Variants in CTNNBIP1 observed in about 807,000 individuals in gnomAD.
CTNNBIP1 encodes beta-catenin-interacting protein 1.
In CTNNBIP1, 7 loss-of-function variants were observed where a neutral mutation model predicts 11.8. The observed-to-expected ratio is 0.60, with a 90% CI of 0.34 to 1.12. CTNNBIP1 has a LOEUF of 1.12. CTNNBIP1 is among the 50% of genes most tolerant of loss of function. The pLI is 0.03. For synonymous variants in CTNNBIP1, 58 were observed against 43.9 expected (o/e 1.32, Z -1.26); for missense variants, 101 against 113.4 (o/e 0.89, Z 0.50).
intron 1 of CTNNBIP1, among the ~76,000 whole-genome samples, chr1:9,908,165 TCTC>T (rs1196816320): frequency 1.3e-5 from 2 of 151,872 alleles, no homozygotes; most frequent in Non-Finnish European, 2.9e-5. Flanking sequence ...TTCAGGAAAT[TCTC>T]CTGCCTCAGC....
chr1:9,861,730 C>G (rs1447900706), intron 5 of CTNNBIP1, among the ~76,000 whole-genome samples: 1 of 152,182 alleles, frequency 6.6e-6, no homozygotes, highest in African/African-American at 2.4e-5. Context: ...GCTCAGGAGG[C>G]AGCTAAAGGC....
chr1:9,883,947 C>T lies in CTNNBIP1; in HGVS notation c.-143-209G>A, dbSNP rs549542011. 1.3e-5 allele frequency among the ~76,000 whole-genome samples: 2 copies of T among 151,838 alleles called. No homozygotes were observed. Among genetic ancestry groups the T allele is most frequent in the Non-Finnish European group, 2.9e-5 (2 of 67,996 alleles). On this transcript the variant is annotated intron_variant, in intron 1 of 5. Transcript: ENST00000377263. The surrounding 1 kb of genome is among the most constrained non-coding windows in gnomAD (Gnocchi z 5.6). The stretch of plus-strand genomic sequence containing the variant: ...GTCAAGGAGGAAGAAGGTGGGGGAA[C>T]GGGAGTCTGAAGATGCTGTGGGCAG...
At chr1:9,859,750 C>G (rs1227043779) in intron 5 of CTNNBIP1, among the ~76,000 whole-genome samples, 1 of 152,242 alleles carries the variant, frequency 6.6e-6, no homozygotes, top group African/African-American at 2.4e-5. Context: ...ATCCACAGAG[C>G]AAGGGCATTT....
intron 1 of CTNNBIP1, 133 bp downstream of exon 1, chr1:9,909,960 CAG>C (rs1639702262): frequency 2.6e-5 from 4 of 151,790 alleles, no homozygotes; most frequent in Admixed American, 2.6e-4. Context: ...CTGGGGCAGT[CAG>C]GGGTCCGAGC....
chr1:9,882,060 C>CT (rs1639093670), intron 2 of CTNNBIP1, among the ~76,000 whole-genome samples: 2 of 152,066 alleles, frequency 1.3e-5, no homozygotes, highest in Non-Finnish European at 2.9e-5. Context: ...GAAAGAAGAC[C>CT]CAGGGCCTTA....
chr1:9,874,349 G>A (rs1638922170), intron 3 of CTNNBIP1, among the ~76,000 whole-genome samples: 1 of 152,122 alleles, frequency 6.6e-6, no homozygotes, highest in Admixed American at 6.5e-5. Context: ...TGAACTCCTG[G>A]GCTTAAGCGA....
At chr1:9,875,423 T>A (rs971229650) in intron 3 of CTNNBIP1, among the ~76,000 whole-genome samples, 1 of 152,206 alleles carries the variant, frequency 6.6e-6, no homozygotes, top group African/African-American at 2.4e-5. Flanking sequence ...CTTTACAGAA[T>A]GTTGCCCTGT....
Position 9,851,073 on chromosome 1 carries a change from T to A in CTNNBIP1, c.188-297A>T, listed in dbSNP as rs1638374172. ...AGCCATGACGAGGCCCCAGGTGACC[T>A]GGAGCAGGGCTCAGCGCTGCTCACA... On this transcript the variant is annotated intron_variant, in intron 5 of 5. Coordinates refer to ENST00000377263, the MANE Select transcript of CTNNBIP1 (RefSeq NM_020248.3). This position sits in a 1 kb window ranked among gnomAD's most constrained non-coding sequence, Gnocchi z 4.8. Among the ~76,000 whole-genome samples the A allele has an allele frequency of 6.6e-6, 1 of 152,216 alleles. No homozygotes were observed. Among genetic ancestry groups the A allele is most frequent in the Non-Finnish European group, 1.5e-5 (1 of 68,028 alleles).
chr1:9,894,421 T>C (rs1358634079), intron 1 of CTNNBIP1, among the ~76,000 whole-genome samples: 1 of 152,154 alleles, frequency 6.6e-6, no homozygotes, highest in Non-Finnish European at 1.5e-5. Context: ...AGTGGTGCGA[T>C]CACAGCTCAC....
intron 1 of CTNNBIP1, among the ~76,000 whole-genome samples, chr1:9,887,878 G>A (rs1452009072): frequency 6.6e-6 from 1 of 151,668 alleles, no homozygotes; most frequent in Non-Finnish European, 1.5e-5. Context: ...AGGCTGGAGT[G>A]CAGTGGTGCG....
intron 1 of CTNNBIP1, among the ~76,000 whole-genome samples, chr1:9,909,342 A>G (rs1639684060): frequency 6.6e-6 from 1 of 152,118 alleles, no homozygotes; most frequent in Admixed American, 6.6e-5. Flanking sequence ...AAAACTCTTG[A>G]TTTGCGGCCA....
chr1:9,889,836 T>A (rs1639264843), intron 1 of CTNNBIP1, among the ~76,000 whole-genome samples: 1 of 152,240 alleles, frequency 6.6e-6, no homozygotes, highest in East Asian at 1.9e-4. Context: ...GGGAGTGATA[T>A]ATTTTTTTCC....
intron 1 of CTNNBIP1, among the ~76,000 whole-genome samples, chr1:9,901,367 T>C (rs912347844): frequency 1.1e-4 from 17 of 152,060 alleles, no homozygotes; most frequent in Non-Finnish European, 2.1e-4. Flanking sequence ...AAGGTTTGCT[T>C]GGTGATTGAT....
At chr1:9,879,768 A>G (rs1639044616) in intron 2 of CTNNBIP1, among the ~76,000 whole-genome samples, 1 of 152,148 alleles carries the variant, frequency 6.6e-6, no homozygotes. Context: ...CTACCATGAC[A>G]GCCAATTATC....
chr1:9,870,515 T>C (rs927341888), intron 5 of CTNNBIP1, among the ~76,000 whole-genome samples: 1 of 152,210 alleles, frequency 6.6e-6, no homozygotes, highest in African/African-American at 2.4e-5. Context: ...CCAAGTGGCT[T>C]ACTGTTCCCA....
chr1:9,860,613 T>C (rs1226730901), intron 5 of CTNNBIP1, among the ~76,000 whole-genome samples: 6 of 122,398 alleles, frequency 4.9e-5, no homozygotes, highest in Admixed American at 4.7e-4. Context: ...CAAGACTTCA[T>C]CTCTCAAAAA....
intron 1 of CTNNBIP1, among the ~76,000 whole-genome samples, chr1:9,904,314 T>C (rs139355256): frequency 1.4e-5 from 2 of 142,018 alleles, no homozygotes; most frequent in East Asian, 4.1e-4. Flanking sequence ...GCAGAGCAAG[T>C]GGCATCGTGG....
intron 1 of CTNNBIP1, among the ~76,000 whole-genome samples, chr1:9,884,438 A>G (rs533637134): frequency 6.6e-6 from 1 of 152,214 alleles, no homozygotes; most frequent in South Asian, 2.1e-4. Flanking sequence ...GCCTCCCAAC[A>G]GAAATCAGGA....
At chr1:9,894,314 T>C (rs758161950) in intron 1 of CTNNBIP1, among the ~76,000 whole-genome samples, 8 of 152,222 alleles carry the variant, frequency 5.3e-5, no homozygotes, top group Non-Finnish European at 1.0e-4. Flanking sequence ...GCCATTCTCC[T>C]ACATAACCAC....
Sources: gnomAD v4.1 joint callset for allele counts (sites outside exome capture counted in the v4.1 genomes callset) on GRCh38, gnomAD v4.1.1 for gene constraint, Gnocchi (gnomAD v3.1) non-coding constraint, MANE v1.5 for transcripts, NCBI Gene and HGNC (gene_info 2026-07-23, HGNC 2026-07-21) for gene names.